CLTRN: variants seen among roughly 807,000 people sequenced by gnomAD.
CLTRN encodes the protein collectrin, amino acid transport regulator, also known as collectrin.
In CLTRN, 12 loss-of-function variants were observed where a neutral mutation model predicts 14.5. That is an observed-to-expected ratio of 0.83 (90% CI 0.53 to 1.34). The LOEUF (loss-of-function observed/expected upper bound fraction) is 1.34. Ranked by LOEUF, CLTRN falls within the 40% of genes most tolerant of loss-of-function variation. The pLI, the probability that CLTRN is intolerant of heterozygous loss-of-function variation, is 0.00. For synonymous variants in CLTRN, 58 were observed against 56.5 expected (o/e 1.03, Z -0.12); for missense variants, 154 against 165.1 (o/e 0.93, Z 0.37).
intron 3 of CLTRN, among the ~76,000 whole-genome samples, chrX:15,657,948 C>T (rs935763447): frequency 1.8e-5 from 2 of 111,604 alleles, no homozygotes; most frequent in Non-Finnish European, 3.8e-5. Flanking sequence ...TCTTTATATT[C>T]ATATCCCATG....
chrX:15,654,708 G>C (rs1035928052), intron 3 of CLTRN, among the ~76,000 whole-genome samples: 1 of 112,562 alleles, frequency 8.9e-6, no homozygotes, highest in Non-Finnish European at 1.9e-5. Flanking sequence ...TTGTCTTGTT[G>C]CTGTCACATT....
chrX:15,662,838 C>T (rs1479993600), intron 2 of CLTRN, among the ~76,000 whole-genome samples: 1 of 111,182 alleles, frequency 9.0e-6, no homozygotes, highest in Non-Finnish European at 1.9e-5. Context: ...TGAACCCTCC[C>T]TACATCTCAA....
chrX:15,642,219 T>C (rs183574276), intron 4 of CLTRN, among the ~76,000 whole-genome samples: 7 of 112,129 alleles, frequency 6.2e-5, no homozygotes, highest in Admixed American at 2.8e-4. Context: ...ACAGACTGAC[T>C]GGAAGTTCTA....
At chrX:15,646,585 A>G (rs753866252) in intron 3 of CLTRN, 57 of 337,832 alleles carry the variant, frequency 1.7e-4, no homozygotes, top group African/African-American at 1.3e-3. Flanking sequence ...GTCTGCATCC[A>G]GCCCCTCCCC....
upstream of CLTRN, among the ~76,000 whole-genome samples, chrX:15,669,611 T>C (rs1929680024): frequency 1.8e-5 from 2 of 111,581 alleles, no homozygotes; most frequent in Admixed American, 9.5e-5. Context: ...GTAAACAGAA[T>C]ATGAGATCAC....
At chrX:15,643,803 T>C (rs921571765) in intron 4 of CLTRN, among the ~76,000 whole-genome samples, 8 of 112,561 alleles carry the variant, frequency 7.1e-5, no homozygotes, top group African/African-American at 2.3e-4. Flanking sequence ...ATACTCATTA[T>C]CTTAAGTGTT....
chrX:15,648,290 G>T (rs1391767384), intron 3 of CLTRN, among the ~76,000 whole-genome samples: 5 of 111,627 alleles, frequency 4.5e-5, no homozygotes, highest in Non-Finnish European at 9.4e-5. Context: ...AATAGCCCAG[G>T]GTTTCTCAAC....
At chrX:15,659,926 T>C (rs1383396425) in intron 2 of CLTRN, among the ~76,000 whole-genome samples, 1 of 112,266 alleles carries the variant, frequency 8.9e-6, no homozygotes, top group Non-Finnish European at 1.9e-5. Flanking sequence ...CAAATTAATA[T>C]AGTATATTTG....
chrX:15,656,127 T>C (rs1929355239), intron 3 of CLTRN, among the ~76,000 whole-genome samples: 2 of 112,143 alleles, frequency 1.8e-5, no homozygotes, highest in African/African-American at 6.5e-5. Flanking sequence ...CCCTGGTTTC[T>C]CTTCCACTGC....
chrX:15,659,212 A>ACG (rs1277800943), intron 2 of CLTRN, 111 bp from the exon 3 acceptor site: 1 of 290,507 alleles, frequency 3.4e-6, no homozygotes, highest in Middle Eastern at 8.0e-4. Flanking sequence ...ACACACACAC[A>ACG]CGCACACACA....
upstream of CLTRN, among the ~76,000 whole-genome samples, chrX:15,666,381 C>G (rs1929622451): frequency 8.9e-6 from 1 of 111,925 alleles, no homozygotes; most frequent in African/African-American, 3.3e-5. Flanking sequence ...CAGGACTTTC[C>G]TCTCTACCAT....
intron 2 of CLTRN, among the ~76,000 whole-genome samples, chrX:15,662,595 T>G (rs1373381332): frequency 1.8e-5 from 2 of 111,871 alleles, no homozygotes; most frequent in Non-Finnish European, 3.8e-5. Flanking sequence ...TTCTACCTAC[T>G]GCTATCTCTT....
intron 3 of CLTRN, among the ~76,000 whole-genome samples, chrX:15,649,527 T>C (rs1929167779): frequency 8.9e-6 from 1 of 111,789 alleles, no homozygotes; most frequent in Non-Finnish European, 1.9e-5. Flanking sequence ...ATGGTGGTCT[T>C]GAGACAAGTC....
intron 5 of CLTRN, among the ~76,000 whole-genome samples, chrX:15,633,424 T>C (rs1211649368): frequency 2.7e-5 from 3 of 112,622 alleles, no homozygotes; most frequent in Middle Eastern, 4.7e-3. Context: ...TCTTTCAGAA[T>C]GAAACAAGAC....
At chrX:15,644,791 C>A (rs981392706) in intron 4 of CLTRN, 125 bp downstream of exon 4, 1 of 460,472 alleles carries the variant, frequency 2.2e-6, no homozygotes, top group Non-Finnish European at 3.6e-6. Context: ...AAAATGAAAT[C>A]TTTGTCATTT....
intron 4 of CLTRN, among the ~76,000 whole-genome samples, chrX:15,640,651 TAGG>T (rs774434059): frequency 4.4e-4 from 49 of 112,628 alleles, no homozygotes; most frequent in Non-Finnish European, 4.7e-4. Context: ...GGGTGATGAA[TAGG>T]AGAAGTAAAG....
At chrX:15,654,761 G>A (rs934557671) in intron 3 of CLTRN, among the ~76,000 whole-genome samples, 24 of 112,528 alleles carry the variant, frequency 2.1e-4, no homozygotes, top group African/African-American at 7.1e-4. Flanking sequence ...AGGTTCCTGG[G>A]TGTGGACCTG....
chrX:15,664,047 G>A (rs1227503536), intron 2 of CLTRN, among the ~76,000 whole-genome samples: 2 of 111,974 alleles, frequency 1.8e-5, no homozygotes, highest in African/African-American at 6.5e-5. Flanking sequence ...ACTGACTCAG[G>A]CCACTTGGCT....
rs1928599291 is a variant in CLTRN at position 15,627,814 on chromosome X, T to C, written c.*157A>G. On this transcript the variant is annotated 3_prime_UTR_variant, in exon 6 of 6. Coordinates refer to ENST00000380342, the MANE Select transcript of CLTRN (RefSeq NM_020665.6). ...TTATGATTTCAGTGGTGTTGGTGGGTATAATTGATTGCTTTTCACTTTCAA... is the reference window on the plus strand; with the variant it reads ...TTATGATTTCAGTGGTGTTGGTGGGCATAATTGATTGCTTTTCACTTTCAA... 1 of 335,946 alleles carries C rather than the reference T, an allele frequency of 3.0e-6. No individual in the cohort carries two copies. Among genetic ancestry groups the C allele is most frequent in the Admixed American group, 6.1e-5 (1 of 16,454 alleles). The allele number at this position is 335,946 out of a possible 1,213,427, so 27.7% of individuals were successfully genotyped here. A position where few individuals can be genotyped will look rare whatever the true frequency, so the allele number is the denominator to read the frequency against.
Sources: gnomAD v4.1 joint callset for allele counts (sites outside exome capture counted in the v4.1 genomes callset) on GRCh38, gnomAD v4.1.1 for gene constraint, MANE v1.5 for transcripts, NCBI Gene and HGNC (gene_info 2026-07-23, HGNC 2026-07-21) for gene names.